RAB28: variants seen among roughly 807,000 people sequenced by gnomAD.
RAB28 encodes RAB28, member RAS oncogene family.
In RAB28, 24 loss-of-function variants were observed where a neutral mutation model predicts 31.7. The ratio of observed to expected loss-of-function variants is 0.76; its 90% CI spans 0.55 to 1.06. RAB28 has a LOEUF of 1.06. Ranked by LOEUF, RAB28 falls within the 50% of genes least tolerant of loss-of-function variation. The pLI, the probability that RAB28 is intolerant of heterozygous loss-of-function variation, is 0.00. For missense variants in RAB28, 254 were observed against 258.5 expected (o/e 0.98, Z 0.12); for synonymous variants, 100 against 90.4 (o/e 1.11, Z -0.60).
chr4:13,408,085 G>C (rs1712206195), intron 4 of RAB28, among the ~76,000 whole-genome samples: 1 of 152,114 alleles, frequency 6.6e-6, no homozygotes, highest in Non-Finnish European at 1.5e-5. Context: ...TCCTTGTCTT[G>C]TGCTGGTTTT....
At chr4:13,391,378 T>C (rs149527036) in intron 4 of RAB28, among the ~76,000 whole-genome samples, 1,689 of 152,260 alleles carry the variant, frequency 0.011, 30 homozygotes, top group African/African-American at 0.039. Flanking sequence ...CCAGTTAGAA[T>C]GGCAATCATT....
At chr4:13,481,317 T>C (rs1303369721) in intron 1 of RAB28, among the ~76,000 whole-genome samples, 2 of 151,988 alleles carry the variant, frequency 1.3e-5, no homozygotes, top group Non-Finnish European at 2.9e-5. Context: ...TCTTACTATA[T>C]CATCTCCCGA....
intron 6 of RAB28, chr4:13,371,454 A>AAC: frequency 2.0e-6 from 2 of 985,340 alleles, no homozygotes; most frequent in Non-Finnish European, 2.4e-6. Flanking sequence ...TTATCCTATA[A>AAC]ACACAACCAG....
chr4:13,422,059 A>AC (rs1713186516), intron 4 of RAB28, among the ~76,000 whole-genome samples: 2 of 152,018 alleles, frequency 1.3e-5, no homozygotes, highest in Non-Finnish European at 2.9e-5. Context: ...TTACAAGAAA[A>AC]AAAAAAACAA....
intron 4 of RAB28, among the ~76,000 whole-genome samples, chr4:13,406,067 A>C (rs1429988984): frequency 6.6e-6 from 1 of 152,176 alleles, no homozygotes; most frequent in African/African-American, 2.4e-5. Context: ...TTTGTTACAC[A>C]GGTATACATG....
At chr4:13,423,186 G>A (rs1389981483) in intron 4 of RAB28, among the ~76,000 whole-genome samples, 1 of 152,108 alleles carries the variant, frequency 6.6e-6, no homozygotes, top group Non-Finnish European at 1.5e-5. Context: ...TAGTCTGTGG[G>A]CCAAATTTGC....
intron 6 of RAB28, among the ~76,000 whole-genome samples, chr4:13,376,277 ATTAG>A (rs1296933264): frequency 1.3e-5 from 2 of 152,134 alleles, no homozygotes; most frequent in Non-Finnish European, 2.9e-5. Flanking sequence ...ACCTTAACTC[ATTAG>A]TTAACCACTA....
At chr4:13,391,847 C>G (rs928493627) in intron 4 of RAB28, among the ~76,000 whole-genome samples, 1 of 151,292 alleles carries the variant, frequency 6.6e-6, no homozygotes, top group Non-Finnish European at 1.5e-5. Context: ...TAGGTGGGAA[C>G]TGAACAATGA....
chr4:13,388,625 C>CA (rs1159206277), intron 4 of RAB28, among the ~76,000 whole-genome samples: 1 of 151,930 alleles, frequency 6.6e-6, no homozygotes, highest in African/African-American at 2.4e-5. Context: ...ATATATCTGA[C>CA]AAAATGTTAA....
At chr4:13,429,251 T>C (rs994226011) in intron 4 of RAB28, among the ~76,000 whole-genome samples, 23 of 152,122 alleles carry the variant, frequency 1.5e-4, no homozygotes, top group African/African-American at 5.1e-4. Context: ...CTGGCCAATT[T>C]CACTCTTTAT....
chr4:13,370,709 C>A, intron 6 of RAB28: 1 of 984,940 alleles, frequency 1.0e-6, no homozygotes, highest in Non-Finnish European at 1.2e-6. Context: ...TCCTCCCGAT[C>A]CTAACCTCCA....
intron 4 of RAB28, among the ~76,000 whole-genome samples, chr4:13,385,508 G>A (rs1577159694): frequency 6.6e-6 from 1 of 152,150 alleles, no homozygotes; most frequent in Non-Finnish European, 1.5e-5. Context: ...CCTCTTACCA[G>A]AAACCCTAAA....
In RAB28 at chr4:13,484,103, G is replaced by A. The variant is rs746678869; in HGVS notation, c.48C>T (p.Val16=). ...TCCCGGAGGCGCCGTCCCCCAGCAC[G>A]ACGATTTTCAGTTGCCGGTCCTGGC... ...EESQDRQLKI[V]VLGDGASGKT... The change falls in exon 1 of 7, where the codon GTC becomes GTT. Residue 16 remains valine (V), a synonymous_variant. Transcript: ENST00000330852. The A allele has an allele frequency of 2.6e-5, 42 of 1,602,522 alleles. No individual in the cohort carries two copies. In the Middle Eastern group the frequency reaches 5.0e-4, roughly 19 times the overall value.
chr4:13,436,678 C>T (rs1465453071), intron 4 of RAB28, among the ~76,000 whole-genome samples: 1 of 152,082 alleles, frequency 6.6e-6, no homozygotes, highest in African/African-American at 2.4e-5. Flanking sequence ...AGGAAAACTA[C>T]AAAACACTGC....
At chr4:13,456,062 G>A (rs971762932) in intron 4 of RAB28, among the ~76,000 whole-genome samples, 1 of 152,160 alleles carries the variant, frequency 6.6e-6, no homozygotes, top group African/African-American at 2.4e-5. Context: ...TAAGATCTAG[G>A]TTGGCAGGTT....
intron 4 of RAB28, among the ~76,000 whole-genome samples, chr4:13,382,693 A>ATTTTTTT (rs35120402): frequency 1.4e-5 from 1 of 73,910 alleles, no homozygotes. Flanking sequence ...AAAATATGGA[A>ATTTTTTT]TTTTTTTTTT....
Position 13,484,186 on chromosome 4 carries a change from G to T in RAB28, c.-36C>A, listed in dbSNP as rs532562940. The stretch of plus-strand genomic sequence containing the variant: ...GAACCAGGCCCGCCCCTCGAGGTGG[G>T]GGGGGAAGGGAAGGATGAAGGCTCC... On this transcript the variant is annotated 5_prime_UTR_variant, in exon 1 of 7. Coordinates refer to ENST00000330852, the MANE Select transcript of RAB28 (RefSeq NM_001017979.3). 17 of 1,539,124 alleles carry T rather than the reference G, an allele frequency of 1.1e-5. No homozygotes were observed. Among genetic ancestry groups the T allele is most frequent in the Admixed American group, 5.7e-5 (3 of 52,666 alleles).
intron 4 of RAB28, among the ~76,000 whole-genome samples, chr4:13,408,258 T>C (rs2108906838): frequency 6.6e-6 from 1 of 152,344 alleles, no homozygotes; most frequent in South Asian, 2.1e-4. Context: ...TTTCTGCATC[T>C]ATTGAGATAA....
At chr4:13,385,388 A>G (rs1248594480) in intron 4 of RAB28, among the ~76,000 whole-genome samples, 1 of 152,198 alleles carries the variant, frequency 6.6e-6, no homozygotes, top group Non-Finnish European at 1.5e-5. Context: ...ATCATCCCCA[A>G]GACACATAAT....
Sources: allele counts gnomAD v4.1 joint callset (sites outside exome capture counted in the v4.1 genomes callset), GRCh38; gene constraint gnomAD v4.1.1; transcripts MANE v1.5; gene names NCBI Gene and HGNC (gene_info 2026-07-23, HGNC 2026-07-21).